Variants in SLC30A8 observed in about 807,000 individuals in gnomAD.
SLC30A8 encodes solute carrier family 30 member 8, also known as proton-coupled zinc antiporter SLC30A8.
SLC30A8 carries 27 observed loss-of-function variants against 36.9 expected under a neutral mutation model. The observed-to-expected ratio is 0.73, with a 90% CI of 0.54 to 1.01. The LOEUF (loss-of-function observed/expected upper bound fraction) is 1.01. SLC30A8 is among the 50% of genes least tolerant of loss of function. The pLI, the probability that SLC30A8 is intolerant of heterozygous loss-of-function variation, is 0.00. For synonymous variants in SLC30A8, 164 were observed against 172.4 expected, an observed-to-expected ratio of 0.95 and a Z score of 0.38; for missense variants, 439 against 452.0, an observed-to-expected ratio of 0.97 and a Z score of 0.26.
At chr8:117,066,441 G>C (rs780791995) in intron 2 of SLC30A8, among the ~76,000 whole-genome samples, 2 of 152,158 alleles carry the variant, frequency 1.3e-5, no homozygotes, top group Non-Finnish European at 2.9e-5. Flanking sequence ...CTTGCCTGCT[G>C]TTATAGACAC....
In SLC30A8 at chr8:117,135,171, A is replaced by G. The variant is rs1462093557; in HGVS notation, c.-157A>G. On this transcript the variant is annotated 5_prime_UTR_variant, in exon 1 of 8. Transcript: ENST00000456015. ...GGCTGTAATTTTAGCAGACCTACCA[A>G]CAACACTGATGTAGGAAGCTCATTA... is the stretch of plus-strand genomic sequence containing the variant. 2.1e-6 allele frequency: 1 copy of G among 469,470 alleles called. No homozygotes were observed. The highest frequency in any genetic ancestry group is 2.0e-5 in the African/African-American group (1 of 50,844). 29.1% of individuals were successfully genotyped at this position (469,470 alleles called of 1,614,324 possible).
intron 2 of SLC30A8, among the ~76,000 whole-genome samples, chr8:117,057,616 C>G (rs939799302): frequency 6.6e-6 from 1 of 152,064 alleles, no homozygotes; most frequent in African/African-American, 2.4e-5. Context: ...AAATAACATA[C>G]AGTATTTATC....
In SLC30A8 at chr8:117,062,557, T is replaced by C. The variant is rs553073364; in HGVS notation, c.-226+23299T>C. On this transcript the variant is annotated intron_variant, in intron 2 of 10. Transcript: ENST00000427715. ...GAGATACACCCCTGATCCAAACACCTCTCACCAGGCCCCACCTCAAATATT... is the reference window on the plus strand; with the variant it reads ...GAGATACACCCCTGATCCAAACACCCCTCACCAGGCCCCACCTCAAATATT... 2.0e-5 allele frequency among the ~76,000 whole-genome samples: 3 copies of C among 152,250 alleles called. No individual in the cohort carries two copies. The East Asian group carries it at 5.8e-4, about 29-fold the overall frequency.
chr8:117,051,832 A>T (rs189134223), intron 2 of SLC30A8, among the ~76,000 whole-genome samples: 211 of 151,922 alleles, frequency 1.4e-3, no homozygotes, highest in African/African-American at 4.9e-3. Flanking sequence ...AAAAATAAAA[A>T]AAATAAAAAA....
chr8:117,092,782 C>T (rs1819188164), intron 2 of SLC30A8, among the ~76,000 whole-genome samples: 1 of 152,116 alleles, frequency 6.6e-6, no homozygotes, highest in African/African-American at 2.4e-5. Flanking sequence ...GATAAGGCTC[C>T]CAAGGATGCT....
chr8:117,059,500 C>G (rs1345121512), intron 2 of SLC30A8, among the ~76,000 whole-genome samples: 1 of 152,146 alleles, frequency 6.6e-6, no homozygotes, highest in Non-Finnish European at 1.5e-5. Flanking sequence ...AAGAACTATG[C>G]AACTGTCAGG....
intron 2 of SLC30A8, among the ~76,000 whole-genome samples, chr8:117,045,101 G>A (rs1817509779): frequency 6.6e-6 from 1 of 152,200 alleles, no homozygotes; most frequent in Non-Finnish European, 1.5e-5. Flanking sequence ...CATCCTTTCA[G>A]CGGTGTAACT....
intron 1 of SLC30A8, among the ~76,000 whole-genome samples, chr8:117,020,307 GAC>G (rs1391720835): frequency 4.3e-4 from 65 of 151,950 alleles, no homozygotes; most frequent in Admixed American, 4.3e-3. Context: ...ATAATAGAAA[GAC>G]AAATATAAAC....
chr8:117,025,415 G>A (rs2130731057), intron 1 of SLC30A8, among the ~76,000 whole-genome samples: 1 of 152,302 alleles, frequency 6.6e-6, no homozygotes, highest in East Asian at 1.9e-4. Flanking sequence ...AGATTTCTCA[G>A]TGAAATTCTT....
chr8:117,167,208 T>G (rs1823101159), intron 6 of SLC30A8, among the ~76,000 whole-genome samples: 1 of 152,170 alleles, frequency 6.6e-6, no homozygotes, highest in South Asian at 2.1e-4. Flanking sequence ...TCTTTCTTAT[T>G]TTACTTCAGG....
At chr8:117,140,514 G>A (rs967499431) in intron 1 of SLC30A8, among the ~76,000 whole-genome samples, 1 of 151,986 alleles carries the variant, frequency 6.6e-6, no homozygotes, top group Non-Finnish European at 1.5e-5. Context: ...AAAAAGAAAA[G>A]ATTCATTATG....
intron 2 of SLC30A8, among the ~76,000 whole-genome samples, chr8:117,101,471 C>A (rs756684455): frequency 6.6e-6 from 1 of 152,134 alleles, no homozygotes; most frequent in Admixed American, 6.5e-5. Context: ...ACTGAAGACA[C>A]TGGAAAAATT....
At chr8:116,984,068 T>G (rs1165670514) in intron 1 of SLC30A8, among the ~76,000 whole-genome samples, 2 of 152,208 alleles carry the variant, frequency 1.3e-5, no homozygotes, top group Non-Finnish European at 2.9e-5. Context: ...AATGTTATTA[T>G]GGATAGAGTC....
intron 1 of SLC30A8, among the ~76,000 whole-genome samples, chr8:116,976,428 C>T (rs1418930420): frequency 6.6e-6 from 1 of 152,076 alleles, no homozygotes; most frequent in Non-Finnish European, 1.5e-5. Context: ...AATAGGCTGT[C>T]TACTAAATTT....
chr8:117,170,938 T>G, intron 6 of SLC30A8, 96 bp from the exon 7 acceptor site: 7 of 1,066,000 alleles, frequency 6.6e-6, no homozygotes, highest in Non-Finnish European at 8.1e-6. Flanking sequence ...GATGAACACA[T>G]TGAAATTTTG....
chr8:117,152,059 G>A (rs770940459), intron 2 of SLC30A8, among the ~76,000 whole-genome samples: 2 of 152,264 alleles, frequency 1.3e-5, no homozygotes, highest in Middle Eastern at 3.4e-3. Flanking sequence ...TGATGATGGC[G>A]GGGCTGATGG....
chr8:116,999,180 A>C (rs1397050445), intron 1 of SLC30A8, among the ~76,000 whole-genome samples: 1 of 152,210 alleles, frequency 6.6e-6, no homozygotes, highest in Non-Finnish European at 1.5e-5. Context: ...AATTGCTTGA[A>C]TCCAGGAGGC....
chr8:117,008,585 G>T (rs994608933), intron 1 of SLC30A8, among the ~76,000 whole-genome samples: 1 of 152,202 alleles, frequency 6.6e-6, no homozygotes, highest in Admixed American at 6.5e-5. Flanking sequence ...TCAAGTATCT[G>T]CAATCCAGAG....
chr8:117,028,466 A>G (rs759597501), intron 1 of SLC30A8, among the ~76,000 whole-genome samples: 1 of 152,052 alleles, frequency 6.6e-6, no homozygotes, highest in Non-Finnish European at 1.5e-5. Context: ...GTTGCTGGAT[A>G]GTGTCTGAAA....
Sources: gnomAD v4.1 joint callset for allele counts (sites outside exome capture counted in the v4.1 genomes callset) on GRCh38, gnomAD v4.1.1 for gene constraint, MANE v1.5 for transcripts, NCBI Gene and HGNC (gene_info 2026-07-23, HGNC 2026-07-21) for gene names.